The following HS6ST2 variants were observed in gnomAD, a reference collection of about 807,000 sequenced individuals.
HS6ST2 encodes heparan sulfate 6-O-sulfotransferase 2.
HS6ST2 carries 17 observed loss-of-function variants against 33.0 expected under a neutral mutation model. The ratio of observed to expected loss-of-function variants is 0.52; its 90% confidence interval spans 0.35 to 0.77. The LOEUF is 0.77. HS6ST2 is among the 30% of genes least tolerant of loss of function. The pLI, the probability that HS6ST2 is intolerant of heterozygous loss-of-function variation, is 0.01. For synonymous variants in HS6ST2, 248 were observed against 237.1 expected (o/e 1.05, Z -0.42); for missense variants, 519 against 551.7 (o/e 0.94, Z 0.59).
chrX:132,782,871 A>G (rs1370125015), intron 2 of HS6ST2, among the ~76,000 whole-genome samples: 1 of 111,909 alleles, frequency 8.9e-6, no homozygotes, highest in Non-Finnish European at 1.9e-5. Context: ...CAAATGACCT[A>G]CAGGAGTACT....
chrX:132,840,850 C>A (rs1273949691), intron 2 of HS6ST2, among the ~76,000 whole-genome samples: 3 of 111,120 alleles, frequency 2.7e-5, no homozygotes, highest in Non-Finnish European at 5.7e-5. Flanking sequence ...TTCTATTTCC[C>A]TCTCATATAT....
In HS6ST2 at chrX:132,812,835, A is replaced by G. The variant is rs371936513; in HGVS notation, c.948-104341T>C. Among the ~76,000 whole-genome samples the G allele has an allele frequency of 1.9e-4, 21 of 110,584 alleles. No homozygotes were observed. The East Asian group carries it at 5.4e-3, about 28-fold the overall frequency. ...AACCCCATCTCAGAGGAAGGGCTCA[A>G]GTCCATAGCTAACCATCTCTCTGTG... On this transcript the variant is annotated intron_variant, in intron 2 of 4. Coordinates refer to ENST00000370833, the MANE Select transcript of HS6ST2 (RefSeq NM_001394073.1).
intron 2 of HS6ST2, among the ~76,000 whole-genome samples, chrX:132,834,780 T>C (rs1184220607): frequency 2.7e-5 from 3 of 111,953 alleles, no homozygotes; most frequent in Non-Finnish European, 5.6e-5. Context: ...GGAAAAGTGG[T>C]TGTACTGAAA....
intron 2 of HS6ST2, among the ~76,000 whole-genome samples, chrX:132,717,987 A>G (rs757857375): frequency 8.9e-6 from 1 of 112,101 alleles, no homozygotes; most frequent in African/African-American, 3.2e-5. Flanking sequence ...CATATAAAAT[A>G]TGGACCAAGT....
intron 2 of HS6ST2, among the ~76,000 whole-genome samples, chrX:132,800,501 C>T (rs1384319952): frequency 3.6e-5 from 4 of 111,304 alleles, no homozygotes; most frequent in Non-Finnish European, 1.9e-5. Flanking sequence ...TCTCCCACCC[C>T]CTAAGCCCAT....
intron 2 of HS6ST2, among the ~76,000 whole-genome samples, chrX:132,891,555 G>T (rs1399063986): frequency 5.5e-5 from 6 of 108,702 alleles, no homozygotes; most frequent in African/African-American, 2.0e-4. Flanking sequence ...CCCACAACAG[G>T]CCCCAGAGTG....
chrX:132,669,349 G>T (rs1602561763), intron 3 of HS6ST2, 150 bp from the exon 4 acceptor site: 1 of 385,749 alleles, frequency 2.6e-6, no homozygotes, highest in Admixed American at 5.5e-5. Flanking sequence ...TCTCTCTCCT[G>T]TCAAAGTATG....
rs142534632 is a variant in HS6ST2 at position 132,821,174 on chromosome X, G to C, written c.948-112680C>G. Among the ~76,000 whole-genome samples the C allele has an allele frequency of 8.1e-4, 84 of 103,271 alleles. 1 individual carries two copies. In the East Asian group the frequency reaches 0.02, roughly 24 times the overall value. 89.7% of individuals were successfully genotyped at this position (103,271 alleles called of 115,157 possible). ...TCATCAAAAGCAGTTTTTCCTCACT[G>C]TAATGAAATCATAGTTCCTGCTTCC... On this transcript the variant is annotated intron_variant, in intron 2 of 4. Coordinates refer to ENST00000370833, the MANE Select transcript of HS6ST2 (RefSeq NM_001394073.1).
chrX:132,785,805 T>C (rs1255358778), intron 2 of HS6ST2, among the ~76,000 whole-genome samples: 1 of 111,662 alleles, frequency 9.0e-6, no homozygotes, highest in Non-Finnish European at 1.9e-5. Context: ...ATTCTCATCC[T>C]TGCAATTACT....
intron 2 of HS6ST2, among the ~76,000 whole-genome samples, chrX:132,919,391 A>C: frequency 1.8e-5 from 2 of 112,140 alleles, no homozygotes; most frequent in Non-Finnish European, 3.8e-5. Context: ...GGACTTCTCT[A>C]AGAAGACAGA....
intron 2 of HS6ST2, among the ~76,000 whole-genome samples, chrX:132,819,304 C>T (rs1417190658): frequency 5.4e-5 from 6 of 111,576 alleles, no homozygotes; most frequent in Non-Finnish European, 9.4e-5. Flanking sequence ...ATATAGCAAA[C>T]GGACCTAACA....
At chrX:132,911,221 T>C (rs1422615003) in intron 2 of HS6ST2, among the ~76,000 whole-genome samples, 1 of 109,329 alleles carries the variant, frequency 9.1e-6, no homozygotes, top group African/African-American at 3.3e-5. Context: ...CATGGGCACA[T>C]AAAAGACCAT....
chrX:132,792,042 C>T (rs191772101), intron 2 of HS6ST2, among the ~76,000 whole-genome samples: 1 of 112,280 alleles, frequency 8.9e-6, no homozygotes, highest in Non-Finnish European at 1.9e-5. Flanking sequence ...TGTAGCAGCT[C>T]CTTTCATTAA....
intron 2 of HS6ST2, among the ~76,000 whole-genome samples, chrX:132,881,336 G>C (rs2066170439): frequency 9.0e-6 from 1 of 111,169 alleles, no homozygotes; most frequent in African/African-American, 3.3e-5. Context: ...GTGTGAGATG[G>C]TATCTCATTG....
intron 2 of HS6ST2, among the ~76,000 whole-genome samples, chrX:132,879,814 G>A (rs893092407): frequency 1.8e-5 from 2 of 111,818 alleles, no homozygotes; most frequent in Non-Finnish European, 3.8e-5. Flanking sequence ...TTGAGTAATG[G>A]GGGAGACAGT....
At chrX:132,791,057 G>A (rs1442833091) in intron 2 of HS6ST2, among the ~76,000 whole-genome samples, 1 of 110,605 alleles carries the variant, frequency 9.0e-6, no homozygotes, top group Non-Finnish European at 1.9e-5. Context: ...TGAGGCAGGA[G>A]GATTGCTTGA....
At chrX:132,815,628 T>C (rs1218083537) in intron 2 of HS6ST2, among the ~76,000 whole-genome samples, 1 of 112,179 alleles carries the variant, frequency 8.9e-6, no homozygotes. Context: ...AGTCATTTCT[T>C]GTCTTTGGGC....
At chrX:132,855,218 A>G (rs2065842026) in intron 2 of HS6ST2, among the ~76,000 whole-genome samples, 1 of 111,755 alleles carries the variant, frequency 8.9e-6, no homozygotes, top group Admixed American at 9.5e-5. Context: ...AGCACTCACA[A>G]TGATTATAAG....
intron 2 of HS6ST2, among the ~76,000 whole-genome samples, chrX:132,772,834 A>G (rs1325468774): frequency 1.2e-5 from 1 of 85,341 alleles, no homozygotes; most frequent in African/African-American, 4.5e-5. Flanking sequence ...ATATTCTATA[A>G]TATAAAATAT....
Sources: gnomAD v4.1 joint callset for allele counts (sites outside exome capture counted in the v4.1 genomes callset) on GRCh38, gnomAD v4.1.1 for gene constraint, MANE v1.5 for transcripts, NCBI Gene and HGNC (gene_info 2026-07-23, HGNC 2026-07-21) for gene names.